Variants in RBPJ observed in about 807,000 individuals in gnomAD.
RBPJ encodes recombining binding protein suppressor of hairless.
RBPJ carries 9 observed loss-of-function variants against 67.8 expected under a neutral mutation model. That is an observed-to-expected ratio of 0.13 (90% CI 0.08 to 0.23). The LOEUF is 0.23. Ranked by LOEUF, RBPJ falls within the 10% of genes least tolerant of loss-of-function variation. RBPJ has a pLI of 1.00. For synonymous variants in RBPJ, 198 were observed against 203.3 expected (o/e 0.97, Z 0.22); for missense variants, 305 against 595.6 (o/e 0.51, Z 5.08).
At chr4:26,203,504 C>A (rs1185888083) in intron 1 of RBPJ, among the ~76,000 whole-genome samples, 1 of 152,140 alleles carries the variant, frequency 6.6e-6, no homozygotes, top group African/African-American at 2.4e-5. Flanking sequence ...ATTTATTTAT[C>A]TCTGTGCTGT....
chr4:26,396,407 T>G (rs1033633135), intron 2 of RBPJ, among the ~76,000 whole-genome samples: 4 of 152,200 alleles, frequency 2.6e-5, no homozygotes, highest in Non-Finnish European at 4.4e-5. Flanking sequence ...TCCCTGGGAT[T>G]CGAAGAGTTA....
chr4:26,367,536 G>A (rs1393335181), intron 1 of RBPJ, among the ~76,000 whole-genome samples: 1 of 152,138 alleles, frequency 6.6e-6, no homozygotes, highest in Non-Finnish European at 1.5e-5. Context: ...TGTATAATAG[G>A]TGCTTCTTCA....
intron 1 of RBPJ, among the ~76,000 whole-genome samples, chr4:26,314,590 G>C (rs1294190022): frequency 6.6e-6 from 1 of 151,956 alleles, no homozygotes; most frequent in Non-Finnish European, 1.5e-5. Context: ...AAAAGTATGT[G>C]GCACCTCCCT....
chr4:26,171,371 T>C (rs1235638541), intron 1 of RBPJ, among the ~76,000 whole-genome samples: 1 of 152,002 alleles, frequency 6.6e-6, no homozygotes, highest in Non-Finnish European at 1.5e-5. Context: ...TGGGGTAGAA[T>C]TTTATCTATA....
chr4:26,255,317 T>C (rs1472214795), intron 1 of RBPJ, among the ~76,000 whole-genome samples: 3 of 112,688 alleles, frequency 2.7e-5, no homozygotes, highest in African/African-American at 8.4e-5. Flanking sequence ...GGCAGGAGAA[T>C]GGCGTGAACC....
intron 1 of RBPJ, among the ~76,000 whole-genome samples, chr4:26,244,403 A>ATGTGTACACG (rs1560226517): frequency 1.6e-3 from 2 of 1,268 alleles, no homozygotes; most frequent in Admixed American, 4.5e-3. Context: ...GTATGCACAT[A>ATGTGTACACG]TGTGTGTATA....
At chr4:26,273,652 A>G (rs1239382591) in intron 1 of RBPJ, among the ~76,000 whole-genome samples, 3 of 152,228 alleles carry the variant, frequency 2.0e-5, no homozygotes, top group Non-Finnish European at 4.4e-5. Context: ...ATCTTTCTGC[A>G]GAAGAACCTA....
At chr4:26,113,558 G>A in the RBPJ span, 7 of 488,974 alleles carry the variant, frequency 1.4e-5, no homozygotes, top group Admixed American at 6.5e-5. Context: ...GAGAACTCAC[G>A]CAGGGCAGAA....
intron 1 of RBPJ, among the ~76,000 whole-genome samples, chr4:26,218,319 T>C (rs1718785464): frequency 6.6e-6 from 1 of 152,126 alleles, no homozygotes. Flanking sequence ...AGCAGATGAC[T>C]ATAAAGACAG....
intron 4 of RBPJ, among the ~76,000 whole-genome samples, chr4:26,416,520 G>A (rs984908695): frequency 5.3e-5 from 8 of 152,114 alleles, no homozygotes; most frequent in African/African-American, 1.2e-4. Context: ...GTGTGCCACC[G>A]TGTCCAGCCA....
chr4:26,171,661 T>C (rs1716590438), intron 1 of RBPJ, among the ~76,000 whole-genome samples: 1 of 152,222 alleles, frequency 6.6e-6, no homozygotes, highest in South Asian at 2.1e-4. Context: ...CAAAGGACTG[T>C]CCACTCCTGG....
intron 1 of RBPJ, among the ~76,000 whole-genome samples, chr4:26,344,965 G>A (rs1411388747): frequency 6.6e-6 from 1 of 152,152 alleles, no homozygotes; most frequent in Non-Finnish European, 1.5e-5. Flanking sequence ...AAAATGAGCT[G>A]CTGCTTTATT....
At chr4:26,139,081 A>C in the RBPJ span, among the ~76,000 whole-genome samples, 1 of 152,214 alleles carries the variant, frequency 6.6e-6, no homozygotes, top group African/African-American at 2.4e-5. Context: ...GCGGGAGCCC[A>C]TCACAGCAGC....
At chr4:26,125,775 G>A in the RBPJ span, among the ~76,000 whole-genome samples, 1 of 151,312 alleles carries the variant, frequency 6.6e-6, no homozygotes, top group South Asian at 2.1e-4. Context: ...CTCCAGCCTG[G>A]GCAATAGAGC....
chr4:26,317,619 A>G (rs1409125202), upstream of RBPJ, among the ~76,000 whole-genome samples: 1 of 152,190 alleles, frequency 6.6e-6, no homozygotes, highest in Non-Finnish European at 1.5e-5. Flanking sequence ...ACTTCCTTAA[A>G]CCAGGTGGGA....
chr4:26,208,581 G>C (rs996298726), intron 1 of RBPJ, among the ~76,000 whole-genome samples: 4 of 152,212 alleles, frequency 2.6e-5, no homozygotes, highest in Non-Finnish European at 5.9e-5. Flanking sequence ...TAAATTGTCT[G>C]AAGATCCCTT....
chr4:26,270,523 T>G (rs1470127429), intron 1 of RBPJ, among the ~76,000 whole-genome samples: 1 of 151,512 alleles, frequency 6.6e-6, no homozygotes, highest in Non-Finnish European at 1.5e-5. Context: ...AAATCGGTAG[T>G]ACACTGGTTA....
intron 1 of RBPJ, among the ~76,000 whole-genome samples, chr4:26,237,511 T>C (rs1357627054): frequency 6.6e-6 from 1 of 152,224 alleles, no homozygotes; most frequent in Admixed American, 6.5e-5. Flanking sequence ...TTAGTTGGAT[T>C]TGACTCAACA....
At chr4:26,191,663 A>G (rs1368028043) in intron 1 of RBPJ, among the ~76,000 whole-genome samples, 1 of 152,212 alleles carries the variant, frequency 6.6e-6, no homozygotes, top group East Asian at 1.9e-4. Context: ...TCTCCCAGCA[A>G]TGACGGGAGA....
Sources: gnomAD v4.1 joint callset for allele counts (sites outside exome capture counted in the v4.1 genomes callset) on GRCh38, gnomAD v4.1.1 for gene constraint, MANE v1.5 for transcripts, NCBI Gene and HGNC (gene_info 2026-07-23, HGNC 2026-07-21) for gene names.